CDH18: variants seen among roughly 807,000 people sequenced by gnomAD.
CDH18 encodes cadherin 18.
A neutral mutation model predicts 67.9 loss-of-function variants in CDH18; 31 were observed. That is an observed-to-expected ratio of 0.46 (90% CI 0.34 to 0.62). The LOEUF (loss-of-function observed/expected upper bound fraction) is 0.62. Among genes scored for constraint, CDH18 ranks in the 20% least tolerant of loss-of-function variants. The pLI is 0.01. For missense variants in CDH18, 890 were observed against 975.5 expected (o/e 0.91, Z 1.17); for synonymous variants, 362 against 347.2 (o/e 1.04, Z -0.48).
chr5:19,783,237 TTG>T (rs1471447020), intron 3 of CDH18, among the ~76,000 whole-genome samples: 1 of 152,066 alleles, frequency 6.6e-6, no homozygotes, highest in African/African-American at 2.4e-5. Context: ...GAACTTGAGA[TTG>T]TGATAGGCTT....
intron 2 of CDH18, among the ~76,000 whole-genome samples, chr5:19,930,088 C>T (rs1317746644): frequency 6.6e-6 from 1 of 152,060 alleles, no homozygotes; most frequent in East Asian, 1.9e-4. Flanking sequence ...CTTTGAAACA[C>T]TAGTTCATTT....
At chr5:19,853,564 C>T (rs1783943658) in intron 2 of CDH18, among the ~76,000 whole-genome samples, 1 of 152,048 alleles carries the variant, frequency 6.6e-6, no homozygotes, top group Non-Finnish European at 1.5e-5. Context: ...AAAATGAGGG[C>T]AAGAAACCAC....
At chr5:20,097,560 G>A (rs1247095654) in intron 2 of CDH18, among the ~76,000 whole-genome samples, 1 of 152,114 alleles carries the variant, frequency 6.6e-6, no homozygotes, top group Non-Finnish European at 1.5e-5. Context: ...GGTAAGATTT[G>A]GGTGGAGATA....
At chr5:20,322,399 A>G (rs533263332) in intron 1 of CDH18, among the ~76,000 whole-genome samples, 1 of 152,276 alleles carries the variant, frequency 6.6e-6, no homozygotes, top group East Asian at 1.9e-4. Flanking sequence ...ATTGTATATA[A>G]TTTAATTAAA....
At chr5:20,092,826 C>A (rs1332384192) in intron 2 of CDH18, among the ~76,000 whole-genome samples, 2 of 151,810 alleles carry the variant, frequency 1.3e-5, no homozygotes, top group Non-Finnish European at 2.9e-5. Flanking sequence ...CATGTTTATA[C>A]CAATAAAATG....
At chr5:19,803,035 C>G (rs1777633879) in intron 3 of CDH18, among the ~76,000 whole-genome samples, 1 of 152,178 alleles carries the variant, frequency 6.6e-6, no homozygotes, top group African/African-American at 2.4e-5. Flanking sequence ...CAAAATCCAT[C>G]CAAAAAGTCA....
chr5:20,051,955 T>TAA lies in CDH18; in HGVS notation c.-517-59942_-517-59941insTT, dbSNP rs546731674. 4.2e-3 allele frequency among the ~76,000 whole-genome samples: 640 copies of TAA among 152,132 alleles called. 9 individuals carry two copies. Among genetic ancestry groups the TAA allele is most frequent in the Non-Finnish European group, 4.1e-3 (281 of 67,944 alleles). On this transcript the variant is annotated intron_variant, in intron 2 of 14. Coordinates refer to the CDH18 transcript ENST00000507958. ...GATATTAGCATTTGGGCCCCCTCTT[T>TAA]CATCATGGGCACAAATACCTCTCTC...
chr5:20,356,444 G>T (rs1396396207), intron 1 of CDH18, among the ~76,000 whole-genome samples: 2 of 151,994 alleles, frequency 1.3e-5, no homozygotes, highest in Admixed American at 6.6e-5. Flanking sequence ...AATCTCAAAT[G>T]CACATGGAAG....
chr5:19,999,405 C>T (rs562449474), intron 2 of CDH18, among the ~76,000 whole-genome samples: 1 of 152,224 alleles, frequency 6.6e-6, no homozygotes, highest in South Asian at 2.1e-4. Flanking sequence ...TTTGAGACCA[C>T]CAGCCTGGCC....
intron 1 of CDH18, among the ~76,000 whole-genome samples, chr5:20,489,314 A>G (rs1218800878): frequency 6.6e-6 from 1 of 152,056 alleles, no homozygotes; most frequent in East Asian, 1.9e-4. Context: ...CAATAATACT[A>G]CATGTATTTT....
intron 9 of CDH18, among the ~76,000 whole-genome samples, chr5:19,534,172 T>C (rs1359094388): frequency 2.0e-5 from 3 of 152,112 alleles, no homozygotes; most frequent in Admixed American, 6.6e-5. Context: ...ATAATAAAAA[T>C]ATAGGCCTGA....
At chr5:19,843,201 C>T (rs1001768362) in intron 2 of CDH18, among the ~76,000 whole-genome samples, 3 of 152,130 alleles carry the variant, frequency 2.0e-5, no homozygotes, top group Non-Finnish European at 4.4e-5. Context: ...CATCTAAGGC[C>T]CAGAGTCCTA....
chr5:20,420,385 C>T (rs946695116), intron 1 of CDH18, among the ~76,000 whole-genome samples: 6 of 151,004 alleles, frequency 4.0e-5, no homozygotes, highest in African/African-American at 1.5e-4. Flanking sequence ...AAAAACAAAG[C>T]AATATACCAA....
At chr5:20,044,584 G>T (rs1267865774) in intron 2 of CDH18, among the ~76,000 whole-genome samples, 1 of 152,054 alleles carries the variant, frequency 6.6e-6, no homozygotes, top group African/African-American at 2.4e-5. Flanking sequence ...CAATGCAAAA[G>T]ATCTTCTTTG....
chr5:20,484,969 A>G (rs1332346391), intron 1 of CDH18, among the ~76,000 whole-genome samples: 1 of 152,120 alleles, frequency 6.6e-6, no homozygotes, highest in Admixed American at 6.5e-5. Context: ...AAGAAATGAT[A>G]TATTCTTGAG....
chr5:20,191,040 A>G (rs569869906), intron 2 of CDH18, among the ~76,000 whole-genome samples: 1 of 152,222 alleles, frequency 6.6e-6, no homozygotes, highest in South Asian at 2.1e-4. Context: ...AGGCTCACAT[A>G]TTGTTCCACC....
At chr5:20,451,076 T>C (rs1392164195) in intron 1 of CDH18, among the ~76,000 whole-genome samples, 1 of 152,178 alleles carries the variant, frequency 6.6e-6, no homozygotes, top group African/African-American at 2.4e-5. Flanking sequence ...AGAGCTATAA[T>C]TCAAGTTGAG....
chr5:19,616,095 AAC>A (rs1223286543), intron 5 of CDH18, among the ~76,000 whole-genome samples: 1 of 152,160 alleles, frequency 6.6e-6, no homozygotes, highest in Non-Finnish European at 1.5e-5. Flanking sequence ...TGAAATTGTG[AAC>A]AGTGTTGAAA....
intron 2 of CDH18, among the ~76,000 whole-genome samples, chr5:19,976,174 C>A (rs550465512): frequency 1.6e-4 from 24 of 152,080 alleles, no homozygotes; most frequent in Non-Finnish European, 2.4e-4. Flanking sequence ...TTAAATAATT[C>A]TTAATTAAAC....
Sources: allele counts gnomAD v4.1 joint callset (sites outside exome capture counted in the v4.1 genomes callset), GRCh38; gene constraint gnomAD v4.1.1; transcripts MANE v1.5; gene names NCBI Gene and HGNC (gene_info 2026-07-23, HGNC 2026-07-21).